The following PLEKHG1 variants were observed in gnomAD, a reference collection of about 807,000 sequenced individuals.
PLEKHG1 encodes the protein pleckstrin homology and RhoGEF domain containing G1.
In PLEKHG1, 44 loss-of-function variants were observed where a neutral mutation model predicts 100.8. That is an observed-to-expected ratio of 0.44 (90% confidence interval 0.34 to 0.56). The LOEUF (loss-of-function observed/expected upper bound fraction) is 0.56, where lower values mean the gene tolerates loss of function less well. Among genes scored for constraint, PLEKHG1 ranks in the 20% least tolerant of loss-of-function variants. PLEKHG1 has a pLI of 0.01. For missense variants in PLEKHG1, 1,545 were observed against 1,720.9 expected (o/e 0.90, Z 1.81); for synonymous variants, 640 against 662.5 (o/e 0.97, Z 0.52).
At chr6:150,732,743 G>A (rs779822460) in intron 1 of PLEKHG1, among the ~76,000 whole-genome samples, 3 of 152,160 alleles carry the variant, frequency 2.0e-5, no homozygotes, top group Admixed American at 2.0e-4. Context: ...TCAGCTTCCC[G>A]AGTAGCTAAT....
intron 1 of PLEKHG1, among the ~76,000 whole-genome samples, chr6:150,604,594 A>C (rs1322593199): frequency 4.6e-5 from 7 of 152,256 alleles, no homozygotes; most frequent in African/African-American, 7.2e-5. Flanking sequence ...TTGAGACCCA[A>C]GATGACAAGT....
chr6:150,640,161 C>A (rs1291367191), intron 2 of PLEKHG1, among the ~76,000 whole-genome samples: 1 of 152,262 alleles, frequency 6.6e-6, no homozygotes, highest in Non-Finnish European at 1.5e-5. Flanking sequence ...GCCAGTAGGA[C>A]CGATCACCTG....
chr6:150,808,172 G>A (rs765327041), intron 7 of PLEKHG1, among the ~76,000 whole-genome samples: 3 of 151,840 alleles, frequency 2.0e-5, no homozygotes, highest in South Asian at 2.1e-4. Context: ...AATATATCAC[G>A]TACCCCATAA....
chr6:150,779,339 A>G (rs1163313072), intron 3 of PLEKHG1, among the ~76,000 whole-genome samples: 1 of 101,466 alleles, frequency 9.9e-6, no homozygotes, highest in African/African-American at 6.1e-5. Flanking sequence ...AAATATTGTC[A>G]AGAAGTTTTT....
intron 10 of PLEKHG1, among the ~76,000 whole-genome samples, chr6:150,817,371 A>G (rs751484502): frequency 6.6e-6 from 1 of 152,186 alleles, no homozygotes; most frequent in Non-Finnish European, 1.5e-5. Flanking sequence ...TTAGCTCATG[A>G]TAATCACAGC....
At chr6:150,613,335 T>C (rs1473436630) in intron 1 of PLEKHG1, among the ~76,000 whole-genome samples, 2 of 152,242 alleles carry the variant, frequency 1.3e-5, no homozygotes, top group African/African-American at 4.8e-5. Flanking sequence ...CTCATTTTTA[T>C]GTATAGCATG....
chr6:150,820,082 G>A (rs1231756584), intron 12 of PLEKHG1, among the ~76,000 whole-genome samples: 2 of 152,060 alleles, frequency 1.3e-5, no homozygotes, highest in Non-Finnish European at 2.9e-5. Flanking sequence ...GGTGGTGTGC[G>A]CCTATAATCC....
At chr6:150,809,399 G>T in exon 9 of PLEKHG1, 1 of 1,613,828 alleles carries the variant, frequency 6.2e-7, no homozygotes, top group Non-Finnish European at 8.5e-7. Context: ...CCTCATGCTT[G>T]TGGAGGTGAT....
At chr6:150,663,984 C>G (rs184123729) in intron 3 of PLEKHG1, 2 of 152,332 alleles carry the variant, frequency 1.3e-5, no homozygotes, top group East Asian at 3.9e-4. Flanking sequence ...AACTCTTACT[C>G]AAATTTGGTA....
intron 2 of PLEKHG1, among the ~76,000 whole-genome samples, chr6:150,734,399 A>G (rs79506648): frequency 0.018 from 2,708 of 152,306 alleles, 93 homozygotes; most frequent in African/African-American, 0.06. Context: ...TGGGGCAGAT[A>G]AGGATGGAGG....
At chr6:150,781,710 T>C (rs921829387) in intron 3 of PLEKHG1, among the ~76,000 whole-genome samples, 1 of 152,098 alleles carries the variant, frequency 6.6e-6, no homozygotes, top group Non-Finnish European at 1.5e-5. Flanking sequence ...AGGGAGTCTT[T>C]TATAGGAATA....
At chr6:150,661,828 C>A (rs1292226288) in intron 3 of PLEKHG1, among the ~76,000 whole-genome samples, 15 of 152,260 alleles carry the variant, frequency 9.9e-5, no homozygotes. Flanking sequence ...ACAGAAGCAC[C>A]TTATGATTAT....
At chr6:150,744,281 A>G (rs1783033703) in intron 2 of PLEKHG1, among the ~76,000 whole-genome samples, 1 of 152,006 alleles carries the variant, frequency 6.6e-6, no homozygotes, top group African/African-American at 2.4e-5. Flanking sequence ...TCACCGAGTT[A>G]GCCAGGATGG....
At chr6:150,652,422 T>TA (rs1028404773) in intron 3 of PLEKHG1, among the ~76,000 whole-genome samples, 21 of 152,292 alleles carry the variant, frequency 1.4e-4, no homozygotes, top group African/African-American at 3.6e-4. Context: ...TTTTTACTGA[T>TA]AAAAAAGTTT....
chr6:150,657,064 C>T (rs1413039661), intron 3 of PLEKHG1, among the ~76,000 whole-genome samples: 13 of 152,090 alleles, frequency 8.5e-5, no homozygotes, highest in Admixed American at 8.5e-4. Flanking sequence ...GACTTTCAGT[C>T]ATCTCAAATT....
intron 1 of PLEKHG1, among the ~76,000 whole-genome samples, chr6:150,618,134 A>G (rs894360037): frequency 1.3e-5 from 2 of 152,166 alleles, no homozygotes; most frequent in Admixed American, 6.5e-5. Context: ...CAAACTTTTT[A>G]TGTTAGTAAC....
intron 3 of PLEKHG1, among the ~76,000 whole-genome samples, chr6:150,783,035 T>C (rs1466143521): frequency 2.0e-5 from 3 of 151,914 alleles, no homozygotes; most frequent in Non-Finnish European, 4.4e-5. Context: ...GGGAAGATTT[T>C]GCACGCATGA....
intron 2 of PLEKHG1, among the ~76,000 whole-genome samples, chr6:150,759,865 G>C (rs907831441): frequency 6.6e-5 from 10 of 152,230 alleles, no homozygotes; most frequent in South Asian, 2.1e-4. Flanking sequence ...CAGTGTGGTG[G>C]TGTGAGCCTA....
intron 3 of PLEKHG1, among the ~76,000 whole-genome samples, chr6:150,657,784 A>G (rs1779027870): frequency 6.6e-6 from 1 of 152,234 alleles, no homozygotes; most frequent in African/African-American, 2.4e-5. Context: ...CTGATGATCA[A>G]CTTGGATAGA....
Sources: gnomAD v4.1 joint callset for allele counts (sites outside exome capture counted in the v4.1 genomes callset) on GRCh38, gnomAD v4.1.1 for gene constraint, MANE v1.5 for transcripts, NCBI Gene and HGNC (gene_info 2026-07-23, HGNC 2026-07-21) for gene names.